Variants in ABR observed in about 807,000 individuals in gnomAD.
ABR encodes ABR activator of RhoGEF and GTPase, also known as active breakpoint cluster region-related protein.
Under a neutral mutation model 107.2 loss-of-function variants are expected in ABR, and 35 were observed. That is an observed-to-expected ratio of 0.33 (90% CI 0.25 to 0.43). The LOEUF is 0.43. ABR is among the 20% of genes least tolerant of loss of function. ABR has a pLI of 1.00. For synonymous variants in ABR, 498 were observed against 462.0 expected (o/e 1.08, Z -1.00); for missense variants, 815 against 1,115.2 (o/e 0.73, Z 3.83).
chr17:1,160,790 C>T (rs149779217), intron 1 of ABR, among the ~76,000 whole-genome samples: 9 of 152,318 alleles, frequency 5.9e-5, no homozygotes, highest in East Asian at 1.9e-4. Flanking sequence ...GGAGGACAGA[C>T]GTGGCGCATC....
rs1470332331 is a variant in ABR, at chr17:1,220,898, G to A, written c.838+7895C>T. Among the ~76,000 whole-genome samples the A allele has an allele frequency of 5.3e-5, 8 of 152,230 alleles. No individual in the cohort carries two copies. In the East Asian group the frequency reaches 7.7e-4, roughly 15 times the overall value. ...GGGAGAGAAAAGGGGTCTAAACGAC[G>A]GTCCCCGCTTTCCAGGAGTCAGCTA... On this transcript the variant is annotated intron_variant, in intron 1 of 22. Coordinates refer to the ABR transcript ENST00000574139.
chr17:1,207,424 C>T (rs184690970), intron 1 of ABR, among the ~76,000 whole-genome samples: 9 of 151,710 alleles, frequency 5.9e-5, no homozygotes, highest in East Asian at 3.9e-4. Context: ...CTGAGGCGGG[C>T]GGATCACCTG....
At chr17:1,130,187 A>G (rs1337238647) in intron 1 of ABR, among the ~76,000 whole-genome samples, 1 of 152,108 alleles carries the variant, frequency 6.6e-6, no homozygotes, top group Non-Finnish European at 1.5e-5. Flanking sequence ...TCAACCTCGC[A>G]TCACCTTCCT....
chr17:1,227,249 T>G (rs2043239345), intron 1 of ABR, among the ~76,000 whole-genome samples: 1 of 152,042 alleles, frequency 6.6e-6, no homozygotes, highest in Admixed American at 6.6e-5. Context: ...TAAAAATCAC[T>G]CCCTGGGAAA....
chr17:1,048,242 G>A (rs1043620277), intron 16 of ABR, among the ~76,000 whole-genome samples: 2 of 152,216 alleles, frequency 1.3e-5, no homozygotes, highest in Non-Finnish European at 2.9e-5. Context: ...TGAGAAGCAG[G>A]GTGCAGACCC....
At chr17:1,147,050 G>A (rs985241554) in intron 1 of ABR, among the ~76,000 whole-genome samples, 4 of 152,278 alleles carry the variant, frequency 2.6e-5, no homozygotes, top group South Asian at 2.1e-4. Context: ...ATGGAAGGCC[G>A]TACTGTCTGG....
intron 21 of ABR, 116 bp downstream of exon 21, chr17:1,009,563 C>G (rs958802149): frequency 2.4e-6 from 2 of 825,656 alleles, no homozygotes; most frequent in Admixed American, 2.0e-5. Flanking sequence ...GGGGTTGGGG[C>G]CACTCCCCGT....
At chr17:1,190,826 G>C (rs571123664), upstream of ABR, among the ~76,000 whole-genome samples, 1 of 152,232 alleles carries the variant, frequency 6.6e-6, no homozygotes, top group Non-Finnish European at 1.5e-5. Context: ...CGCTGCAGGC[G>C]AAGCTGTGAG....
At chr17:1,155,225 G>C (rs1283332393) in intron 1 of ABR, among the ~76,000 whole-genome samples, 1 of 152,156 alleles carries the variant, frequency 6.6e-6, no homozygotes, top group African/African-American at 2.4e-5. Flanking sequence ...GATCCACGGA[G>C]TCACGTTGAG....
At chr17:1,038,983 T>C (rs1413814664) in intron 16 of ABR, among the ~76,000 whole-genome samples, 1 of 152,174 alleles carries the variant, frequency 6.6e-6, no homozygotes, top group Non-Finnish European at 1.5e-5. Flanking sequence ...GCGAGTTCGC[T>C]GAATGCCACG....
intron 1 of ABR, among the ~76,000 whole-genome samples, chr17:1,132,333 T>C (rs2039881594): frequency 6.6e-6 from 1 of 151,540 alleles, no homozygotes; most frequent in Non-Finnish European, 1.5e-5. Context: ...CCAGGAACTT[T>C]CCTGTATTCT....
intron 1 of ABR, among the ~76,000 whole-genome samples, chr17:1,201,214 G>A (rs1295478490): frequency 5.3e-5 from 8 of 152,268 alleles, no homozygotes; most frequent in South Asian, 4.2e-4. Context: ...CTGCTGCTCC[G>A]GATGCAAAGC....
chr17:1,221,527 G>A (rs2043119993), intron 1 of ABR, among the ~76,000 whole-genome samples: 1 of 152,160 alleles, frequency 6.6e-6, no homozygotes, highest in South Asian at 2.1e-4. Flanking sequence ...TGTTACATGT[G>A]AGATAAATAA....
chr17:1,041,380 A>T (rs2030450980), intron 16 of ABR, among the ~76,000 whole-genome samples: 1 of 152,242 alleles, frequency 6.6e-6, no homozygotes, highest in Admixed American at 6.5e-5. Flanking sequence ...TCTTCCAGGT[A>T]TGTGAGATCC....
At chr17:1,043,881 G>T (rs1187171633) in intron 16 of ABR, among the ~76,000 whole-genome samples, 2 of 152,234 alleles carry the variant, frequency 1.3e-5, no homozygotes, top group African/African-American at 4.8e-5. Flanking sequence ...AGCCTGCGGT[G>T]AGCGAGGGAA....
At chr17:1,022,120 A>AAAAAAAAACAAC (rs56033950) in intron 16 of ABR, among the ~76,000 whole-genome samples, 1 of 118,388 alleles carries the variant, frequency 8.4e-6, no homozygotes, top group African/African-American at 3.7e-5. Context: ...AAAAAAAAAA[A>AAAAAAAAACAAC]AAAAACAGAA....
chr17:1,044,347 C>T (rs762009506), intron 16 of ABR, among the ~76,000 whole-genome samples: 2 of 152,172 alleles, frequency 1.3e-5, no homozygotes, highest in South Asian at 2.1e-4. Context: ...TTGGATTAAA[C>T]GCCCTCTAAG....
intron 4 of ABR, among the ~76,000 whole-genome samples, chr17:1,087,056 G>A (rs1398002682): frequency 1.3e-5 from 2 of 152,122 alleles, no homozygotes; most frequent in African/African-American, 2.4e-5. Flanking sequence ...GAGGGAGGAG[G>A]GAGGGGAGAC....
rs973743850 is a variant in ABR, at chr17:1,021,616, C to T, written c.1792-8452G>A. 1.3e-4 allele frequency among the ~76,000 whole-genome samples: 19 copies of T among 151,040 alleles called. No homozygotes were observed. The East Asian group carries it at 2.0e-3, about 16-fold the overall frequency. On this transcript the variant is annotated intron_variant, in intron 16 of 22. Transcript: ENST00000302538. ...GTCAGGAGATCGAGACCAACCTGAC[C>T]AACGTGGCGAAACCCCGTCTCTACT...
Sources: allele counts gnomAD v4.1 joint callset (sites outside exome capture counted in the v4.1 genomes callset), GRCh38; gene constraint gnomAD v4.1.1; transcripts MANE v1.5; gene names NCBI Gene and HGNC (gene_info 2026-07-23, HGNC 2026-07-21).